ENO1: variants seen among roughly 807,000 people sequenced by gnomAD.
ENO1 encodes the protein alpha-enolase.
In ENO1, 33 loss-of-function variants were observed where a neutral mutation model predicts 46.3. The observed-to-expected ratio is 0.71, with a 90% CI of 0.54 to 0.95. ENO1 has a LOEUF of 0.95. Among genes scored for constraint, ENO1 ranks in the 40% least tolerant of loss-of-function variants. ENO1 has a pLI of 0.00. For synonymous variants in ENO1, 220 were observed against 216.0 expected (o/e 1.02, Z -0.16); for missense variants, 488 against 553.3 (o/e 0.88, Z 1.18).
At chr1:8,865,610 G>A (rs1473604723) in intron 7 of ENO1, 128 bp from the exon 8 acceptor site, 2 of 862,102 alleles carry the variant, frequency 2.3e-6, no homozygotes, top group Non-Finnish European at 3.6e-6. Flanking sequence ...CAGTAGTTCT[G>A]ACATCAGTTA....
intron 6 of ENO1, 99 bp downstream of exon 6, chr1:8,867,018 C>A: frequency 6.6e-7 from 1 of 1,516,840 alleles, no homozygotes; most frequent in Non-Finnish European, 8.9e-7. Context: ...CTGGGAGAGT[C>A]ACATGTGTTA....
At position 8,863,947 on chromosome 1, in the gene ENO1, G is replaced by A. The variant is rs779391847; in HGVS notation, c.1011C>T (p.Cys337=). 15 of 1,614,074 alleles carry A rather than the reference G, an allele frequency of 9.3e-6. No individual in the cohort carries two copies. The highest frequency in any genetic ancestry group is 1.6e-4 in the Middle Eastern group (1 of 6,062). The change falls in exon 9 of 12, where the codon TGC becomes TGT. Residue 337 remains cysteine (C), a synonymous_variant. Coordinates refer to ENST00000234590, the MANE Select transcript of ENO1 (RefSeq NM_001428.5). ...RIAKAVNEKS[C]NCLLLKVNQI... Reference sequence around the variant, plus strand: ...GGTTGACTTTGAGCAGGAGGCAGTTGCAGGACTTCTCGTTCACGGCCTTGG... The same window carrying A: ...GGTTGACTTTGAGCAGGAGGCAGTTACAGGACTTCTCGTTCACGGCCTTGG...
At chr1:8,866,094 G>GA in intron 7 of ENO1, 185 bp downstream of exon 7, 1 of 450,864 alleles carries the variant, frequency 2.2e-6, no homozygotes, top group Non-Finnish European at 3.8e-6. Flanking sequence ...AAAAAAAAAA[G>GA]AAAAAAATAA....
intron 6 of ENO1, 104 bp from the exon 7 acceptor site, chr1:8,866,605 CA>C: frequency 8.0e-7 from 1 of 1,246,782 alleles, no homozygotes; most frequent in Non-Finnish European, 1.1e-6. Flanking sequence ...CAGATGAGCC[CA>C]AGACTTGCTT....
intron 11 of ENO1, among the ~76,000 whole-genome samples, chr1:8,861,880 T>TAAA (rs749592337): frequency 0.053 from 5,966 of 112,368 alleles, 221 homozygotes; most frequent in Middle Eastern, 0.081. Flanking sequence ...ATCTTGATGT[T>TAAA]AAAAAAAAAA....
chr1:8,861,351 G>C lies in ENO1; in HGVS notation c.*9C>G, dbSNP rs763278355. On this transcript the variant is annotated 3_prime_UTR_variant, in exon 12 of 12. Transcript: ENST00000234590. ...CAACAGGTGACCGAAGGGCTTGCCTGCCCACAGCTTACTTGGCCAAGGGGT... is the reference window on the plus strand; with the variant it reads ...CAACAGGTGACCGAAGGGCTTGCCTCCCCACAGCTTACTTGGCCAAGGGGT... The C allele has an allele frequency of 1.2e-6, 2 of 1,613,536 alleles. No individual in the cohort carries two copies. The highest frequency in any genetic ancestry group is 3.3e-5 in the Admixed American group (2 of 60,024).
At chr1:8,875,719 A>C (rs1026352840) in intron 1 of ENO1, 3 of 152,168 alleles carry the variant, frequency 2.0e-5, no homozygotes, top group Non-Finnish European at 2.9e-5. Context: ...GGACTTTCCA[A>C]TTTCACAGTA....
rs189067214 is a variant in ENO1 at position 8,868,104 on chromosome 1, C to T, written c.241-47G>A. The T allele has an allele frequency of 5.8e-6, 8 of 1,375,840 alleles. No individual in the cohort carries two copies. In the African/African-American group the frequency reaches 1.1e-4, roughly 20 times the overall value. 85.2% of individuals were successfully genotyped at this position (1,375,840 alleles called of 1,614,324 possible). On this transcript the variant is annotated intron_variant, in intron 4 of 11. Transcript: ENST00000234590. ...GAGGGGTTGGGGCCACTCTTATCTG[C>T]ATAGCCTTTGCTCCCCTACCATGGA...
chr1:8,871,790 A>T, intron 3 of ENO1, 101 bp downstream of exon 3: 5 of 1,373,408 alleles, frequency 3.6e-6, no homozygotes, highest in Non-Finnish European at 5.1e-6. Context: ...ACCTGCCATA[A>T]ACCTGCAAGT....
intron 7 of ENO1, 120 bp from the exon 8 acceptor site, chr1:8,865,602 G>T: frequency 1.1e-6 from 1 of 943,392 alleles, no homozygotes; most frequent in Non-Finnish European, 1.6e-6. Context: ...GCCCCAACCA[G>T]TAGTTCTGAC....
chr1:8,873,116 C>T (rs1422231012), intron 2 of ENO1, among the ~76,000 whole-genome samples: 2 of 152,190 alleles, frequency 1.3e-5, no homozygotes, highest in African/African-American at 4.8e-5. Context: ...TACATATCCA[C>T]CCTACACTGG....
At position 8,873,959 on chromosome 1, in the gene ENO1, A is replaced by G. The variant is rs188299827; in HGVS notation, c.85+865T>C. The stretch of plus-strand genomic sequence containing the variant: ...GAGTTTCACAATTCTCTAATTTTTC[A>G]TAAGAAAACTCCTCCTATAGGGATT... On this transcript the variant is annotated intron_variant, in intron 2 of 11. Coordinates refer to ENST00000234590, the MANE Select transcript of ENO1 (RefSeq NM_001428.5). 12 of 152,326 alleles carry G rather than the reference A, an allele frequency of 7.9e-5. No homozygotes were observed. In the East Asian group the frequency reaches 1.5e-3, roughly 20 times the overall value. 9.4% of individuals were successfully genotyped at this position (152,326 alleles called of 1,614,324 possible). A position where few individuals can be genotyped will look rare whatever the true frequency, so the allele number is the denominator to read the frequency against.
At chr1:8,867,488 C>G (rs968968242) in intron 5 of ENO1, among the ~76,000 whole-genome samples, 1 of 152,176 alleles carries the variant, frequency 6.6e-6, no homozygotes, top group Non-Finnish European at 1.5e-5. Context: ...AGGAGCAAAG[C>G]TCTTCTGAGT....
intron 11 of ENO1, among the ~76,000 whole-genome samples, chr1:8,861,676 C>A (rs2071413): frequency 6.6e-6 from 1 of 152,028 alleles, no homozygotes; most frequent in Non-Finnish European, 1.5e-5. Flanking sequence ...CTCCACCCAC[C>A]GCCCCTTCTC....
In ENO1 at chr1:8,861,045, C is replaced by G. The variant is rs1351989600; in HGVS notation, c.*315G>C. ...GCTTTTTATTTTGAGCACAAAACCA[C>G]CGGGGATCTAGCCTGTGGCCACCCC... On this transcript the variant is annotated 3_prime_UTR_variant, in exon 12 of 12. Transcript: ENST00000234590. 3 of 295,046 alleles carry G rather than the reference C, an allele frequency of 1.0e-5. No individual in the cohort carries two copies. The highest frequency in any genetic ancestry group is 1.9e-5 in the Non-Finnish European group (3 of 157,598). 18.3% of individuals were successfully genotyped at this position (295,046 alleles called of 1,614,324 possible). A position where few individuals can be genotyped will look rare whatever the true frequency, so the allele number is the denominator to read the frequency against.
At chr1:8,873,839 A>G (rs953767569) in intron 2 of ENO1, 1 of 152,244 alleles carries the variant, frequency 6.6e-6, no homozygotes, top group Non-Finnish European at 1.5e-5. Flanking sequence ...TTCTGCCTGA[A>G]GCTCCTTTGC....
chr1:8,876,058 C>T (rs762988647), intron 1 of ENO1: 13 of 151,978 alleles, frequency 8.6e-5, no homozygotes, highest in Non-Finnish European at 1.3e-4. Context: ...CAAGAATTTC[C>T]AGCAATGAAC....
At chr1:8,864,233 C>T in intron 8 of ENO1, 141 bp from the exon 9 acceptor site, 4 of 862,438 alleles carry the variant, frequency 4.6e-6, no homozygotes, top group African/African-American at 1.7e-5. Context: ...AGCTCCCCAA[C>T]TGATCCTTGA....
intron 3 of ENO1, chr1:8,871,386 T>A: frequency 1.0e-6 from 1 of 992,990 alleles, no homozygotes; most frequent in Non-Finnish European, 1.2e-6. Flanking sequence ...AGAGGCTAGC[T>A]CTGCCACAGA....
Sources: allele counts gnomAD v4.1 joint callset (sites outside exome capture counted in the v4.1 genomes callset), GRCh38; gene constraint gnomAD v4.1.1; transcripts MANE v1.5; gene names NCBI Gene and HGNC (gene_info 2026-07-23, HGNC 2026-07-21).